Variants in NFATC1 observed in about 807,000 individuals in gnomAD.
NFATC1 encodes nuclear factor of activated T-cells, cytoplasmic 1.
In NFATC1, 22 loss-of-function variants were observed where a neutral mutation model predicts 76.0. The observed-to-expected ratio is 0.29, with a 90% confidence interval of 0.21 to 0.41. NFATC1 has a LOEUF of 0.41. NFATC1 is among the 10% of genes least tolerant of loss of function. The probability of loss-of-function intolerance (pLI) is 1.00; values close to 1 mark genes in which losing one functional copy is unlikely to be tolerated. For synonymous variants in NFATC1, 704 were observed against 613.1 expected (o/e 1.15, Z -2.19); for missense variants, 1,357 against 1,337.7 (o/e 1.01, Z -0.23).
At position 79,411,424 on chromosome 18, in the gene NFATC1, C is replaced by T. The variant is rs200186658; in HGVS notation, c.1149C>T (p.Cys383=). The T allele has an allele frequency of 2.3e-5, 36 of 1,548,494 alleles. No individual in the cohort carries two copies. Among genetic ancestry groups the T allele is most frequent in the East Asian group, 2.0e-4 (9 of 44,414 alleles). The change falls in exon 2 of 10, where the codon TGC becomes TGT. Residue 383 remains cysteine, a synonymous_variant. Coordinates refer to ENST00000427363, the MANE Select transcript of NFATC1 (RefSeq NM_001278669.2). Reference sequence around the variant, plus strand: ...AGCACATCAGGAAGGGCGGCTTCTGCGACCAGTACCTGGCGGTGCCGCAGC... The same window carrying T: ...AGCACATCAGGAAGGGCGGCTTCTGTGACCAGTACCTGGCGGTGCCGCAGC... ...SFQHIRKGGF[C]DQYLAVPQHP...
intron 9 of NFATC1, among the ~76,000 whole-genome samples, chr18:79,514,577 A>G (rs1175145374): frequency 6.6e-6 from 1 of 150,902 alleles, no homozygotes. Flanking sequence ...AAAAAAAAAA[A>G]AAAAAAAAAA....
At chr18:79,520,024 G>A (rs1027203509) in intron 9 of NFATC1, among the ~76,000 whole-genome samples, 1 of 152,236 alleles carries the variant, frequency 6.6e-6, no homozygotes, top group Admixed American at 6.5e-5. Flanking sequence ...CCAGGAAGCG[G>A]GGATGGAGGG....
At chr18:79,458,332 G>GCA (rs2087855738) in intron 6 of NFATC1, among the ~76,000 whole-genome samples, 2 of 148,142 alleles carry the variant, frequency 1.4e-5, no homozygotes, top group Admixed American at 6.7e-5. Flanking sequence ...AGGATGCTTT[G>GCA]GGGAGCAGGG....
intron 9 of NFATC1, among the ~76,000 whole-genome samples, chr18:79,511,748 G>A (rs1321922033): frequency 6.6e-6 from 1 of 152,104 alleles, no homozygotes; most frequent in Non-Finnish European, 1.5e-5. Flanking sequence ...GAGGCTCTCA[G>A]TGGGGGGCCA....
In NFATC1 at chr18:79,449,058, G is replaced by A. The variant is rs1046901024; in HGVS notation, c.1589+74G>A. On this transcript the variant is annotated intron_variant, in intron 4 of 9. Transcript: ENST00000427363. Reference sequence around the variant, plus strand: ...GCGTGCCTCCCTCCCAGTCCCGGGGGGTCTGGCCAGCCCCCCGCACTTCCA... The same window carrying A: ...GCGTGCCTCCCTCCCAGTCCCGGGGAGTCTGGCCAGCCCCCCGCACTTCCA... The A allele has an allele frequency of 1.0e-5, 15 of 1,483,958 alleles. 1 individual carries two copies. In the African/African-American group the frequency reaches 1.3e-4, roughly 12 times the overall value. 91.9% of individuals were successfully genotyped at this position (1,483,958 alleles called of 1,614,324 possible).
At chr18:79,482,767 G>A (rs1320140909) in intron 8 of NFATC1, among the ~76,000 whole-genome samples, 8 of 140,842 alleles carry the variant, frequency 5.7e-5, no homozygotes, top group African/African-American at 1.0e-4. Context: ...CTCGTTCCTG[G>A]GGTGTAATTC....
At chr18:79,412,087 G>A (rs1449730550) in intron 2 of NFATC1, among the ~76,000 whole-genome samples, 4 of 152,256 alleles carry the variant, frequency 2.6e-5, no homozygotes, top group Non-Finnish European at 4.4e-5. Context: ...CAGAGACGCC[G>A]GCTGTGGCAT....
intron 9 of NFATC1, among the ~76,000 whole-genome samples, chr18:79,506,973 C>T (rs551218545): frequency 2.4e-4 from 36 of 152,336 alleles, no homozygotes; most frequent in African/African-American, 8.4e-4. Context: ...CCCACCAGGC[C>T]CCGGACCCAT....
intron 1 of NFATC1, 64 bp downstream of exon 1, chr18:79,396,415 C>A (rs1267789154): frequency 3.9e-4 from 406 of 1,054,014 alleles, no homozygotes; most frequent in Non-Finnish European, 4.7e-4. Flanking sequence ...CCGCGCCCCC[C>A]GACCCCGCCC....
At chr18:79,473,492 C>T (rs537033726) in intron 8 of NFATC1, among the ~76,000 whole-genome samples, 18 of 151,228 alleles carry the variant, frequency 1.2e-4, no homozygotes, top group East Asian at 1.2e-3. Context: ...CGTGTTCTCA[C>T]GCTCACTATC....
intron 3 of NFATC1, among the ~76,000 whole-genome samples, chr18:79,446,773 G>A (rs1302598784): frequency 2.0e-5 from 3 of 152,208 alleles, no homozygotes; most frequent in Non-Finnish European, 4.4e-5. Context: ...AATCACTTTG[G>A]AGTGGGCTGC....
intron 9 of NFATC1, among the ~76,000 whole-genome samples, chr18:79,487,209 C>T (rs1425490106): frequency 6.6e-6 from 1 of 152,298 alleles, no homozygotes; most frequent in South Asian, 2.1e-4. Flanking sequence ...AGACCTGTCC[C>T]GGGGTCTAAG....
intron 9 of NFATC1, among the ~76,000 whole-genome samples, chr18:79,526,579 C>G (rs566328833): frequency 1.3e-5 from 2 of 152,212 alleles, no homozygotes; most frequent in Admixed American, 1.3e-4. Context: ...GAGCCAGCCT[C>G]GGGTGTGTGT....
rs531052456 is a variant in NFATC1, at chr18:79,528,882, T to C, written c.*1305T>C. ...TTACTCACAGCGATCTATTGTTCCA[T>C]ATAACCAAAAAGCATGGTTTATTCA... is the stretch of plus-strand genomic sequence containing the variant. On this transcript the variant is annotated 3_prime_UTR_variant, in exon 10 of 10. Coordinates refer to ENST00000427363, the MANE Select transcript of NFATC1 (RefSeq NM_001278669.2). 48 of 152,746 alleles carry C rather than the reference T, an allele frequency of 3.1e-4. No individual in the cohort carries two copies. The highest frequency in any genetic ancestry group is 1.1e-3 in the African/African-American group (47 of 41,570). The allele number at this position is 152,746 out of a possible 1,614,324, so 9.5% of individuals were successfully genotyped here.
rs1248999528 is a variant in NFATC1 at position 79,451,614 on chromosome 18, C to A, written c.1763-62C>A. On this transcript the variant is annotated intron_variant, in intron 5 of 9. Coordinates refer to ENST00000427363, the MANE Select transcript of NFATC1 (RefSeq NM_001278669.2). Reference sequence around the variant, plus strand: ...CTCACGTGTGACCTGCTGGGTGCCACACGTGTGCCCCAGGCCGCCCACTCA... The same window carrying A: ...CTCACGTGTGACCTGCTGGGTGCCAAACGTGTGCCCCAGGCCGCCCACTCA... 3.5e-6 allele frequency: 5 copies of A among 1,443,218 alleles called. No homozygotes were observed. In the East Asian group the frequency reaches 1.0e-4, roughly 30 times the overall value. 89.4% of individuals were successfully genotyped at this position (1,443,218 alleles called of 1,614,324 possible).
chr18:79,473,936 G>A (rs559668174), intron 8 of NFATC1, among the ~76,000 whole-genome samples: 29 of 145,844 alleles, frequency 2.0e-4, no homozygotes, highest in African/African-American at 6.2e-4. Flanking sequence ...GCTCACTGTC[G>A]ACATTGTAAA....
intron 3 of NFATC1, among the ~76,000 whole-genome samples, chr18:79,440,160 C>T (rs901178436): frequency 6.6e-6 from 1 of 152,184 alleles, no homozygotes; most frequent in African/African-American, 2.4e-5. Flanking sequence ...AAGCCCAGAT[C>T]CTCAGCCTCC....
At chr18:79,480,652 G>A (rs1036182926) in intron 8 of NFATC1, among the ~76,000 whole-genome samples, 3 of 152,152 alleles carry the variant, frequency 2.0e-5, no homozygotes, top group African/African-American at 7.2e-5. Flanking sequence ...TGTTCTTGAC[G>A]TTCTCCAGCC....
chr18:79,447,486 C>T (rs1007141508), intron 3 of NFATC1, among the ~76,000 whole-genome samples: 8 of 152,232 alleles, frequency 5.3e-5, no homozygotes, highest in African/African-American at 1.4e-4. Flanking sequence ...CGACTCCAAA[C>T]GTGATCAGAG....
Sources: gnomAD v4.1 joint callset for allele counts (sites outside exome capture counted in the v4.1 genomes callset) on GRCh38, gnomAD v4.1.1 for gene constraint, MANE v1.5 for transcripts, NCBI Gene and HGNC (gene_info 2026-07-23, HGNC 2026-07-21) for gene names.